Variants in TMEM163 observed in about 807,000 individuals in gnomAD.
The protein encoded by TMEM163 is transmembrane protein 163.
TMEM163 carries 17 observed loss-of-function variants against 29.3 expected under a neutral mutation model. The observed-to-expected ratio is 0.58, with a 90% CI of 0.40 to 0.87. TMEM163 has a LOEUF of 0.87. Ranked by LOEUF, TMEM163 falls within the 40% of genes least tolerant of loss-of-function variation. The pLI is 0.00. For missense variants in TMEM163, 303 were observed against 381.5 expected, an observed-to-expected ratio of 0.79 and a Z score of 1.71; for synonymous variants, 157 against 160.6, an observed-to-expected ratio of 0.98 and a Z score of 0.17.
chr2:134,710,368 A>G (rs1684899952), intron 2 of TMEM163, among the ~76,000 whole-genome samples: 1 of 152,180 alleles, frequency 6.6e-6, no homozygotes, highest in Non-Finnish European at 1.5e-5. Flanking sequence ...CAAAAGAGCC[A>G]ACAGCATTTC....
At chr2:134,513,085 G>A (rs927754739) in intron 4 of TMEM163, among the ~76,000 whole-genome samples, 3 of 152,192 alleles carry the variant, frequency 2.0e-5, no homozygotes, top group African/African-American at 7.2e-5. Context: ...TCTGTTCAGG[G>A]ATATATTCTG....
At chr2:134,580,640 A>G (rs1004786591) in intron 2 of TMEM163, among the ~76,000 whole-genome samples, 4 of 152,222 alleles carry the variant, frequency 2.6e-5, no homozygotes, top group South Asian at 2.1e-4. Context: ...GGCCGGGCGC[A>G]GTGGCTGCCA....
At chr2:134,538,542 A>G (rs1307755488) in intron 4 of TMEM163, among the ~76,000 whole-genome samples, 2 of 152,254 alleles carry the variant, frequency 1.3e-5, no homozygotes, top group African/African-American at 4.8e-5. Flanking sequence ...AATAGCCTCA[A>G]GGCGGAAACA....
intron 5 of TMEM163, chr2:134,466,438 A>G (rs1686670824): frequency 1.9e-6 from 1 of 539,748 alleles, no homozygotes; most frequent in Admixed American, 3.3e-5. Flanking sequence ...ATTTATATTT[A>G]CTTAAAAAAC....
At chr2:134,505,239 C>CTTT (rs78772358) in intron 4 of TMEM163, among the ~76,000 whole-genome samples, 5 of 130,230 alleles carry the variant, frequency 3.8e-5, no homozygotes, top group African/African-American at 9.0e-5. Context: ...TGGGGAATTC[C>CTTT]TTTTTTTTTT....
At chr2:134,464,335 T>C (rs1686615109) in intron 6 of TMEM163, among the ~76,000 whole-genome samples, 1 of 152,108 alleles carries the variant, frequency 6.6e-6, no homozygotes, top group Admixed American at 6.5e-5. Context: ...CTTGGGGGGC[T>C]GGCATAAAAC....
intron 4 of TMEM163, among the ~76,000 whole-genome samples, chr2:134,538,475 G>A (rs1680590899): frequency 6.6e-6 from 1 of 152,120 alleles, no homozygotes; most frequent in Non-Finnish European, 1.5e-5. Flanking sequence ...AAATAAAAAG[G>A]AGAACATATT....
intron 5 of TMEM163, among the ~76,000 whole-genome samples, chr2:134,501,489 T>A (rs1053426639): frequency 2.6e-5 from 4 of 152,238 alleles, no homozygotes; most frequent in Non-Finnish European, 4.4e-5. Flanking sequence ...ATGTGTCAAC[T>A]GGCATAGTGC....
At chr2:134,686,570 AC>A (rs1684355992) in intron 2 of TMEM163, among the ~76,000 whole-genome samples, 1 of 152,198 alleles carries the variant, frequency 6.6e-6, no homozygotes. Context: ...GCAGTGATTG[AC>A]TTATGGGGCC....
rs1287757292 is a variant in TMEM163 at position 134,575,701 on chromosome 2, G to A, written c.323-23610C>T. Among the ~76,000 whole-genome samples, 141 of 152,314 alleles carry A rather than the reference G, an allele frequency of 9.3e-4. 2 individuals carry two copies. The highest frequency in any genetic ancestry group is 1.0e-4 in the Non-Finnish European group (7 of 68,020). The stretch of plus-strand genomic sequence containing the variant: ...CTACCAAACCGGACCATAAGAGAGT[G>A]CAATTCCTAAACAGGATCTGGTTTC... On this transcript the variant is annotated intron_variant, in intron 2 of 7. Coordinates refer to ENST00000281924, the MANE Select transcript of TMEM163 (RefSeq NM_030923.5).
At chr2:134,612,759 A>C (rs1682533727) in intron 2 of TMEM163, among the ~76,000 whole-genome samples, 1 of 152,246 alleles carries the variant, frequency 6.6e-6, no homozygotes, top group Non-Finnish European at 1.5e-5. Context: ...AGCCAAAACA[A>C]ATCAGCAACA....
chr2:134,539,917 A>G (rs1279909912), intron 4 of TMEM163, among the ~76,000 whole-genome samples: 1 of 152,182 alleles, frequency 6.6e-6, no homozygotes, highest in Non-Finnish European at 1.5e-5. Flanking sequence ...GAAGGCTCTC[A>G]CCCTCGTGCC....
At chr2:134,499,798 G>A (rs894747751) in intron 5 of TMEM163, among the ~76,000 whole-genome samples, 1 of 152,150 alleles carries the variant, frequency 6.6e-6, no homozygotes, top group Non-Finnish European at 1.5e-5. Flanking sequence ...GACTAAGGGG[G>A]AGGTGTCACT....
chr2:134,513,354 C>T (rs996539752), intron 4 of TMEM163, among the ~76,000 whole-genome samples: 6 of 152,072 alleles, frequency 3.9e-5, no homozygotes, highest in African/African-American at 1.2e-4. Context: ...TCAAACATGA[C>T]TCAGGAATCA....
At chr2:134,693,774 T>A (rs923129928) in intron 2 of TMEM163, among the ~76,000 whole-genome samples, 2 of 152,196 alleles carry the variant, frequency 1.3e-5, no homozygotes, top group African/African-American at 2.4e-5. Context: ...AGAAGACACC[T>A]CTGGGCACTG....
At chr2:134,529,928 A>G (rs909112179) in intron 4 of TMEM163, among the ~76,000 whole-genome samples, 1 of 152,036 alleles carries the variant, frequency 6.6e-6, no homozygotes, top group African/African-American at 2.4e-5. Context: ...GGCTACCATC[A>G]GGGCTGTGGT....
intron 2 of TMEM163, among the ~76,000 whole-genome samples, chr2:134,565,477 G>C (rs1421916003): frequency 1.3e-5 from 2 of 151,782 alleles, no homozygotes; most frequent in Non-Finnish European, 2.9e-5. Context: ...GTGGTGGCAG[G>C]AGCCTGTAAT....
intron 2 of TMEM163, among the ~76,000 whole-genome samples, chr2:134,697,235 T>C (rs1307831167): frequency 6.6e-6 from 1 of 152,190 alleles, no homozygotes; most frequent in Non-Finnish European, 1.5e-5. Context: ...CCTACTATAC[T>C]GGGTAGGACA....
At position 134,550,671 on chromosome 2, in the gene TMEM163, G is replaced by A; in HGVS notation, c.367-10C>T. ...CCAGGATGGCATCAAACTAGGAGAA[G>A]GAGACATGGCATTAGAGGCTTTCCA... On this transcript the variant is annotated splice_polypyrimidine_tract_variant and intron_variant, in intron 3 of 7. Transcript: ENST00000281924. 6.2e-7 allele frequency: 1 copy of A among 1,613,928 alleles called. No individual in the cohort carries two copies. The highest frequency in any genetic ancestry group is 8.5e-7 in the Non-Finnish European group (1 of 1,179,804).
Sources: allele counts gnomAD v4.1 joint callset (sites outside exome capture counted in the v4.1 genomes callset), GRCh38; gene constraint gnomAD v4.1.1; transcripts MANE v1.5; gene names NCBI Gene and HGNC (gene_info 2026-07-23, HGNC 2026-07-21).